Variants in ZNF251 observed in about 807,000 individuals in gnomAD.
ZNF251 encodes the protein zinc finger protein 251.
A neutral mutation model predicts 13.5 loss-of-function variants in ZNF251; 14 were observed. The observed-to-expected ratio is 1.04, with a 90% CI of 0.69 to 1.63. The LOEUF is 1.63. Ranked by LOEUF, ZNF251 falls within the 40% of genes most tolerant of loss-of-function variation. ZNF251 has a pLI of 0.00. For missense variants in ZNF251, 764 were observed against 834.9 expected (o/e 0.92, Z 1.05); for synonymous variants, 287 against 295.2 (o/e 0.97, Z 0.28).
chr8:144,739,894 C>CA (rs879266037), intron 4 of ZNF251, among the ~76,000 whole-genome samples: 5,385 of 128,452 alleles, frequency 0.042, 186 homozygotes, highest in African/African-American at 0.11. Flanking sequence ...GGCTCTGTTT[C>CA]AAAAAAAAAA....
At position 144,722,371 on chromosome 8, in the gene ZNF251, T is replaced by A. The variant is rs750508086; in HGVS notation, c.1289A>T (p.Glu430Val). 4.3e-6 allele frequency: 7 copies of A among 1,613,836 alleles called. No homozygotes were observed. Among genetic ancestry groups the A allele is most frequent in the Non-Finnish European group, 5.1e-6 (6 of 1,179,906 alleles). The change falls in exon 5 of 5, where the codon GAA becomes GTA. Residue 430 changes from glutamate to valine, a missense_variant. Glu to Val is a moderately radical substitution (Grantham distance 121). Transcript: ENST00000292562. This position sits in a 1 kb window ranked among gnomAD's most constrained non-coding sequence, Gnocchi z 4.8. ...LTEHVRIHTGEKPYVCNECGK... is the reference protein window; with the variant it reads ...LTEHVRIHTGVKPYVCNECGK... ...GCACTCATTACAAACATAGGGTTTTTCTCCTGTGTGAATCCTTACGTGTTC... is the reference window on the plus strand; with the variant it reads ...GCACTCATTACAAACATAGGGTTTTACTCCTGTGTGAATCCTTACGTGTTC...
chr8:144,727,180 G>A (rs1244272480), intron 4 of ZNF251, among the ~76,000 whole-genome samples: 1 of 152,236 alleles, frequency 6.6e-6, no homozygotes, highest in East Asian at 1.9e-4. Context: ...GCCTGGCAGG[G>A]ACACCACTAG....
In ZNF251 at chr8:144,751,865, G is replaced by A. The variant is rs563175292; in HGVS notation, c.277+1818C>T. ...GGTTGAAATTAAATGGATGAAAGAA[G>A]ATATACTATGCTAACAGTAAGTATA... On this transcript the variant is annotated intron_variant, in intron 4 of 4. Transcript: ENST00000292562. Among the ~76,000 whole-genome samples the A allele has an allele frequency of 2.6e-5, 4 of 152,088 alleles. No homozygotes were observed. The South Asian group carries it at 6.2e-4, about 24-fold the overall frequency.
At chr8:144,736,926 C>T (rs1245266992) in intron 4 of ZNF251, among the ~76,000 whole-genome samples, 2 of 152,096 alleles carry the variant, frequency 1.3e-5, no homozygotes, top group Non-Finnish European at 2.9e-5. Flanking sequence ...ACTCAGCCTC[C>T]CAAGTAGCTG....
intron 2 of ZNF251, 123 bp from the exon 3 acceptor site, chr8:144,754,444 T>G: frequency 6.9e-7 from 1 of 1,447,110 alleles, no homozygotes; most frequent in Non-Finnish European, 9.1e-7. Context: ...GAACTGTGTA[T>G]CAGCAGGTCC....
At chr8:144,744,642 TTC>T (rs1336117070) in intron 4 of ZNF251, among the ~76,000 whole-genome samples, 1 of 152,158 alleles carries the variant, frequency 6.6e-6, no homozygotes, top group Non-Finnish European at 1.5e-5. Context: ...AACTTGCACT[TTC>T]TCTCTCCACC....
intron 4 of ZNF251, among the ~76,000 whole-genome samples, chr8:144,731,093 ATGATGTTAGGGTTCACTACAC>A (rs1013415629): frequency 2.6e-5 from 4 of 152,190 alleles, no homozygotes; most frequent in Non-Finnish European, 5.9e-5. Flanking sequence ...AGGAAGCCCC[ATGATGTTAGGGTTCACTACAC>A]TGACGTCATC....
At position 144,722,095 on chromosome 8, in the gene ZNF251, C is replaced by T; in HGVS notation, c.1565G>A (p.Gly522Asp). 6.2e-7 allele frequency: 1 copy of T among 1,613,960 alleles called. No individual in the cohort carries two copies. Among genetic ancestry groups the T allele is most frequent in the Non-Finnish European group, 8.5e-7 (1 of 1,179,890 alleles). The change falls in exon 5 of 5, where the codon GGT becomes GAT. Residue 522 changes from glycine to aspartate, a missense_variant. Coordinates refer to ENST00000292562, the MANE Select transcript of ZNF251 (RefSeq NM_138367.2). This position sits in a 1 kb window ranked among gnomAD's most constrained non-coding sequence, Gnocchi z 4.8. ...GCTGGAGCCATGAACAAAGGCTGGA[C>T]CATGTTTTCTGCACTTACGAGTCTC... Reference protein sequence around the residue: ...SGETRKCRKHGPAFVHGSSLT... With the variant: ...SGETRKCRKHDPAFVHGSSLT...
rs762629400 is a variant in ZNF251 at position 144,721,838 on chromosome 8, T to G, written c.1822A>C (p.Thr608Pro). 1.3e-6 allele frequency: 2 copies of G among 1,497,686 alleles called. No individual in the cohort carries two copies. The highest frequency in any genetic ancestry group is 1.8e-4 in the Middle Eastern group (1 of 5,540). The allele number at this position is 1,497,686 out of a possible 1,614,324, so 92.8% of individuals were successfully genotyped here. The change falls in exon 5 of 5, where the codon ACC (threonine) becomes CCC (proline). Residue 608 changes from threonine (T) to proline (P), a missense_variant. Physicochemically the swap from Thr to Pro is conservative, Grantham distance 38. Coordinates refer to ENST00000292562, the MANE Select transcript of ZNF251 (RefSeq NM_138367.2). ...TGAGTTACCTGATGTTGAATAAGGG[T>G]TGACTTTCCACTGAAGGCGTTTCCA... ...ECGNAFSGKS[T>P]LIQHQVTHTG...
intron 4 of ZNF251, among the ~76,000 whole-genome samples, chr8:144,737,835 C>T (rs1454946202): frequency 2.8e-5 from 2 of 72,620 alleles, no homozygotes; most frequent in Admixed American, 4.7e-4. Context: ...GAGACTCTGT[C>T]TCAAAAAAAA....
intron 4 of ZNF251, among the ~76,000 whole-genome samples, chr8:144,729,557 C>A (rs1476697495): frequency 6.6e-6 from 1 of 151,992 alleles, no homozygotes; most frequent in Non-Finnish European, 1.5e-5. Flanking sequence ...AGGATGGTCT[C>A]GATCTCCTGA....
In ZNF251 at chr8:144,721,240, C is replaced by A; in HGVS notation, c.*404G>T. On this transcript the variant is annotated 3_prime_UTR_variant, in exon 5 of 5. Coordinates refer to ENST00000292562, the MANE Select transcript of ZNF251 (RefSeq NM_138367.2). The stretch of plus-strand genomic sequence containing the variant: ...CAGCAGGCCCAAGTTCTCTGTACCA[C>A]ACTTGGAGGCAGGTATATGGGACTG... 4.1e-6 allele frequency: 1 copy of A among 246,780 alleles called. No individual in the cohort carries two copies. 15.3% of individuals were successfully genotyped at this position (246,780 alleles called of 1,614,324 possible).
chr8:144,739,316 A>G (rs1262655985), intron 4 of ZNF251, among the ~76,000 whole-genome samples: 3 of 144,680 alleles, frequency 2.1e-5, no homozygotes, highest in African/African-American at 7.7e-5. Context: ...TCCCCAAACT[A>G]GGATCACAAA....
intron 4 of ZNF251, among the ~76,000 whole-genome samples, chr8:144,732,729 G>T (rs369629405): frequency 5.1e-4 from 77 of 151,000 alleles, no homozygotes; most frequent in Non-Finnish European, 1.0e-3. Context: ...GGAGAATGGC[G>T]TGAACCCGGG....
intron 2 of ZNF251, 22 bp from the exon 3 acceptor site, chr8:144,754,343 G>C: frequency 6.3e-7 from 1 of 1,582,218 alleles, no homozygotes; most frequent in Non-Finnish European, 8.6e-7. Flanking sequence ...CATCGCCGCT[G>C]CCCAGGCCAT....
intron 4 of ZNF251, among the ~76,000 whole-genome samples, chr8:144,751,542 A>C (rs967913260): frequency 2.0e-5 from 3 of 152,228 alleles, no homozygotes; most frequent in Non-Finnish European, 2.9e-5. Context: ...TAGGAAAATC[A>C]CTGTAAAAAA....
chr8:144,738,801 T>G, intron 4 of ZNF251: 1 of 984,962 alleles, frequency 1.0e-6, no homozygotes, highest in Non-Finnish European at 1.2e-6. Flanking sequence ...CAAGGCAACC[T>G]CCTGGGGGCA....
intron 4 of ZNF251, among the ~76,000 whole-genome samples, chr8:144,733,319 T>C (rs1274829464): frequency 1.3e-5 from 2 of 152,206 alleles, no homozygotes; most frequent in Admixed American, 1.3e-4. Context: ...GGTGGGAGGA[T>C]CACTTGAGGC....
At chr8:144,728,183 C>T (rs2129940304) in intron 4 of ZNF251, among the ~76,000 whole-genome samples, 2 of 152,170 alleles carry the variant, frequency 1.3e-5, no homozygotes, top group South Asian at 4.2e-4. Flanking sequence ...ATTGCTGAGT[C>T]TCAGGGAATA....
Sources: gnomAD v4.1 joint callset for allele counts (sites outside exome capture counted in the v4.1 genomes callset) on GRCh38, gnomAD v4.1.1 for gene constraint, Gnocchi (gnomAD v3.1) non-coding constraint, MANE v1.5 for transcripts, NCBI Gene and HGNC (gene_info 2026-07-23, HGNC 2026-07-21) for gene names.